TSPEAR: variants seen among roughly 807,000 people sequenced by gnomAD.
TSPEAR encodes the protein thrombospondin type laminin G domain and EAR repeats, also known as thrombospondin-type laminin G domain and EAR repeat-containing protein.
A neutral mutation model predicts 71.6 loss-of-function variants in TSPEAR; 69 were observed. The ratio of observed to expected loss-of-function variants is 0.96; its 90% CI spans 0.79 to 1.18. The LOEUF is 1.18. Among genes scored for constraint, TSPEAR ranks in the 50% most tolerant of loss-of-function variants. The pLI is 0.00. For missense variants in TSPEAR, 971 were observed against 894.9 expected, an observed-to-expected ratio of 1.09 and a Z score of -1.09; for synonymous variants, 402 against 387.2, an observed-to-expected ratio of 1.04 and a Z score of -0.45.
chr21:44,527,214 A>G (rs1479193067), intron 7 of TSPEAR, 78 bp downstream of exon 7: 2 of 1,386,360 alleles, frequency 1.4e-6, no homozygotes, highest in Middle Eastern at 1.8e-4. Flanking sequence ...CTGCAGAATC[A>G]GTGTAGGGGG....
chr21:44,505,869 C>T (rs1395455071), intron 10 of TSPEAR, among the ~76,000 whole-genome samples: 3 of 152,016 alleles, frequency 2.0e-5, no homozygotes, highest in South Asian at 2.1e-4. Flanking sequence ...CTATGAACAC[C>T]GGGGTACAAA....
intron 1 of TSPEAR, among the ~76,000 whole-genome samples, chr21:44,585,168 T>G (rs1934415080): frequency 6.6e-6 from 1 of 152,332 alleles, no homozygotes; most frequent in Middle Eastern, 3.4e-3. Flanking sequence ...GTAAACTTTC[T>G]GGATCCCTGT....
At chr21:44,584,177 G>A (rs1437284134) in intron 1 of TSPEAR, among the ~76,000 whole-genome samples, 2 of 152,210 alleles carry the variant, frequency 1.3e-5, no homozygotes, top group South Asian at 2.1e-4. Context: ...TATAAGCGAG[G>A]TCTGCAGTAT....
chr21:44,591,752 C>T (rs1979877703), intron 1 of TSPEAR: 3 of 1,593,970 alleles, frequency 1.9e-6, no homozygotes, highest in Non-Finnish European at 2.6e-6. Flanking sequence ...GAGGAATCCT[C>T]AGAGCAGGTG....
intron 1 of TSPEAR, among the ~76,000 whole-genome samples, chr21:44,595,262 G>A (rs1335937892): frequency 2.0e-5 from 3 of 151,910 alleles, no homozygotes; most frequent in African/African-American, 7.3e-5. Context: ...TTCCGTATAT[G>A]CACACACACA....
At position 44,527,401 on chromosome 21, in the gene TSPEAR, C is replaced by T. The variant is rs782290122; in HGVS notation, c.1040G>A (p.Arg347His). 13 of 1,614,214 alleles carry T rather than the reference C, an allele frequency of 8.1e-6. No individual in the cohort carries two copies. Among genetic ancestry groups the T allele is most frequent in the South Asian group, 5.5e-5 (5 of 91,086 alleles). ...QVGLFVATAN[R>H]KATSAVYKWT... ...CTTGTAGACGGCGGATGTGGCTTTG[C>T]GATTGGCTGTGGCCACAAAGAGCCC... The change falls in exon 7 of 12, where the codon CGC (arginine) becomes CAC (histidine). Residue 347 changes from arginine to histidine, a missense_variant. Arg to His is a conservative substitution (Grantham distance 29). Coordinates refer to ENST00000323084, the MANE Select transcript of TSPEAR (RefSeq NM_144991.3).
At chr21:44,702,123 C>A in intron 1 of TSPEAR, 1 of 1,089,374 alleles carries the variant, frequency 9.2e-7, no homozygotes, top group Non-Finnish European at 1.3e-6. Context: ...GGAGAGGCAG[C>A]GTCCACATGA....
At chr21:44,627,058 G>A (rs782132928) in intron 1 of TSPEAR, 7 of 1,491,412 alleles carry the variant, frequency 4.7e-6, no homozygotes, top group Non-Finnish European at 5.5e-6. Flanking sequence ...ACAAGGCCAG[G>A]AGGGGTATAA....
At chr21:44,579,862 G>A in intron 1 of TSPEAR, 3 of 1,597,830 alleles carry the variant, frequency 1.9e-6, no homozygotes, top group Non-Finnish European at 2.6e-6. Flanking sequence ...GGGCACAGCA[G>A]GAGGAGATGG....
At chr21:44,515,258 T>G (rs2052528545) in intron 9 of TSPEAR, among the ~76,000 whole-genome samples, 1 of 152,254 alleles carries the variant, frequency 6.6e-6, no homozygotes, top group South Asian at 2.1e-4. Context: ...GAGGAATTAC[T>G]GAGTTTTGAA....
intron 3 of TSPEAR, among the ~76,000 whole-genome samples, chr21:44,532,781 AG>A (rs1555915892): frequency 6.6e-6 from 1 of 152,234 alleles, no homozygotes; most frequent in Non-Finnish European, 1.5e-5. Context: ...ACCTACCGTC[AG>A]GCCACAAACC....
chr21:44,575,201 C>A (rs1978353603), intron 1 of TSPEAR: 1 of 700,350 alleles, frequency 1.4e-6, no homozygotes, highest in Non-Finnish European at 2.4e-6. Flanking sequence ...GAGGGGGGCG[C>A]TTCTAGAAAG....
intron 1 of TSPEAR, among the ~76,000 whole-genome samples, chr21:44,685,209 A>AT (rs1986800712): frequency 6.6e-6 from 1 of 152,196 alleles, no homozygotes; most frequent in African/African-American, 2.4e-5. Flanking sequence ...ACAGGAGCAG[A>AT]GGGTGCCCCT....
At chr21:44,545,248 G>A (rs1601395609) in intron 2 of TSPEAR, among the ~76,000 whole-genome samples, 1 of 152,004 alleles carries the variant, frequency 6.6e-6, no homozygotes, top group Admixed American at 6.6e-5. Context: ...AACCCAGGAG[G>A]TGGAGCTTGC....
At chr21:44,631,436 G>A (rs1430029681) in intron 1 of TSPEAR, among the ~76,000 whole-genome samples, 3 of 152,168 alleles carry the variant, frequency 2.0e-5, no homozygotes, top group Admixed American at 2.0e-4. Context: ...ACAAAAAGAG[G>A]CCGAGCGTGA....
rs1986896059 is a variant in TSPEAR at position 44,687,126 on chromosome 21, G to T, written c.82+24307C>A. On this transcript the variant is annotated intron_variant, in intron 1 of 11. Transcript: ENST00000323084. This position sits in a 1 kb window ranked among gnomAD's most constrained non-coding sequence, Gnocchi z 4.4. ...TGCGGGAAGAAGGAGGCTGAGCCTG[G>T]GGAACCTGGTGGCTGCCTTCGGGTG... Among the ~76,000 whole-genome samples the T allele has an allele frequency of 1.3e-5, 2 of 152,196 alleles. No individual in the cohort carries two copies. Among genetic ancestry groups the T allele is most frequent in the South Asian group, 4.1e-4 (2 of 4,832 alleles).
intron 9 of TSPEAR, among the ~76,000 whole-genome samples, chr21:44,521,239 T>C (rs1555914211): frequency 6.6e-6 from 1 of 152,168 alleles, no homozygotes; most frequent in African/African-American, 2.4e-5. Flanking sequence ...AGGTGGGAGA[T>C]GCGCCCCCAC....
chr21:44,689,759 G>A (rs1290094362), intron 1 of TSPEAR, among the ~76,000 whole-genome samples: 2 of 87,804 alleles, frequency 2.3e-5, no homozygotes, highest in East Asian at 2.9e-4. Flanking sequence ...GGGTTACTAA[G>A]TATTAACTAA....
rs1443476507 is a variant in TSPEAR at position 44,509,716 on chromosome 21, CCTT to C, written c.1567-333_1567-331del. On this transcript the variant is annotated intron_variant, in intron 9 of 11. Coordinates refer to ENST00000323084, the MANE Select transcript of TSPEAR (RefSeq NM_144991.3). ...GACGTGGCACTCCTGCTGGCAGCCT[CCTT>C]GGCCACTTCTCCCTGAATGTTAGTG... 4.4e-4 allele frequency: 142 copies of C among 323,620 alleles called. 1 individual carries two copies. The highest frequency in any genetic ancestry group is 2.9e-3 in the African/African-American group (135 of 46,464). 20.0% of individuals were successfully genotyped at this position (323,620 alleles called of 1,614,324 possible). A position where few individuals can be genotyped will look rare whatever the true frequency, so the allele number is the denominator to read the frequency against.
Sources: gnomAD v4.1 joint callset for allele counts (sites outside exome capture counted in the v4.1 genomes callset) on GRCh38, gnomAD v4.1.1 for gene constraint, Gnocchi (gnomAD v3.1) non-coding constraint, MANE v1.5 for transcripts, NCBI Gene and HGNC (gene_info 2026-07-23, HGNC 2026-07-21) for gene names.